Variants in ARHGAP44 observed in about 807,000 individuals in gnomAD.
ARHGAP44 encodes Rho GTPase activating protein 44.
In ARHGAP44, 43 loss-of-function variants were observed where a neutral mutation model predicts 106.8. That is an observed-to-expected ratio of 0.40 (90% CI 0.32 to 0.52). The LOEUF (loss-of-function observed/expected upper bound fraction) is 0.52, where lower values mean the gene tolerates loss of function less well. Among genes scored for constraint, ARHGAP44 ranks in the 20% least tolerant of loss-of-function variants. The pLI is 0.48. For synonymous variants in ARHGAP44, 439 were observed against 410.3 expected (o/e 1.07, Z -0.85); for missense variants, 866 against 1,050.5 (o/e 0.82, Z 2.43).
At chr17:12,890,434 A>C (rs1398785275) in intron 1 of ARHGAP44, among the ~76,000 whole-genome samples, 2 of 152,096 alleles carry the variant, frequency 1.3e-5, no homozygotes, top group Non-Finnish European at 2.9e-5. Flanking sequence ...CCCAGACTAC[A>C]CTTGGGGTTA....
intron 3 of ARHGAP44, among the ~76,000 whole-genome samples, chr17:12,900,932 TTTTTA>T (rs767698072): frequency 0.12 from 18,018 of 145,922 alleles, 1,386 homozygotes; most frequent in East Asian, 0.27. Flanking sequence ...TTTTTTTTTT[TTTTTA>T]ATTGAGATGG....
At chr17:12,956,767 G>A in intron 15 of ARHGAP44, 21 bp downstream of exon 15, 7 of 1,605,470 alleles carry the variant, frequency 4.4e-6, no homozygotes, top group South Asian at 2.2e-5. Flanking sequence ...GCACCTAGGT[G>A]TGGGGGCAAG....
chr17:12,968,839 A>G (rs2039457473), intron 16 of ARHGAP44, among the ~76,000 whole-genome samples: 1 of 147,218 alleles, frequency 6.8e-6, no homozygotes. Context: ...GCGCCATCTC[A>G]GCTCACTGCA....
intron 5 of ARHGAP44, among the ~76,000 whole-genome samples, chr17:12,917,726 T>G (rs1470911778): frequency 6.6e-6 from 1 of 152,218 alleles, no homozygotes; most frequent in African/African-American, 2.4e-5. Context: ...GATGGAAATA[T>G]TCTCAATCTG....
At chr17:12,964,330 C>T (rs2039338216) in intron 16 of ARHGAP44, among the ~76,000 whole-genome samples, 1 of 152,182 alleles carries the variant, frequency 6.6e-6, no homozygotes, top group South Asian at 2.1e-4. Flanking sequence ...AAAGTGTCTG[C>T]ACTCTTGCTG....
chr17:12,854,232 A>C (rs1238979051), intron 1 of ARHGAP44, among the ~76,000 whole-genome samples: 5 of 152,186 alleles, frequency 3.3e-5, no homozygotes, highest in African/African-American at 1.2e-4. Context: ...CACACCAAGC[A>C]GGGAGAATTA....
At chr17:12,943,198 C>T (rs568436530) in intron 8 of ARHGAP44, among the ~76,000 whole-genome samples, 10 of 152,352 alleles carry the variant, frequency 6.6e-5, no homozygotes, top group Non-Finnish European at 1.2e-4. Context: ...TGAGCCATCA[C>T]ACCTGACTCA....
At chr17:12,943,750 G>T in intron 9 of ARHGAP44, 81 bp downstream of exon 9, 1 of 1,421,400 alleles carries the variant, frequency 7.0e-7, no homozygotes, top group Non-Finnish European at 9.9e-7. Flanking sequence ...CTTGTATGTC[G>T]TTGGCCCTAA....
At chr17:12,837,810 G>A (rs1043842499) in intron 1 of ARHGAP44, among the ~76,000 whole-genome samples, 1 of 152,076 alleles carries the variant, frequency 6.6e-6, no homozygotes, top group Non-Finnish European at 1.5e-5. Context: ...TTCTGGGTAG[G>A]GGTGGGAAAT....
chr17:12,929,742 T>G (rs1315040861), intron 7 of ARHGAP44, among the ~76,000 whole-genome samples: 1 of 152,212 alleles, frequency 6.6e-6, no homozygotes, highest in Non-Finnish European at 1.5e-5. Flanking sequence ...CAGCTTGGGT[T>G]TCTAAGGAAA....
At chr17:12,894,272 G>A (rs566545329) in intron 1 of ARHGAP44, among the ~76,000 whole-genome samples, 8 of 149,968 alleles carry the variant, frequency 5.3e-5, no homozygotes, top group East Asian at 4.0e-4. Context: ...ACGTGCGTGC[G>A]TGTTGTCAGA....
chr17:12,877,474 G>A (rs898046216), intron 1 of ARHGAP44, among the ~76,000 whole-genome samples: 1 of 152,126 alleles, frequency 6.6e-6, no homozygotes, highest in Non-Finnish European at 1.5e-5. Context: ...GTTATTTAAA[G>A]AAAATTTAAT....
chr17:12,864,068 T>G (rs2036167321), intron 1 of ARHGAP44, among the ~76,000 whole-genome samples: 1 of 152,174 alleles, frequency 6.6e-6, no homozygotes, highest in South Asian at 2.1e-4. Flanking sequence ...TGGGATGTCA[T>G]TACTGTCACA....
intron 1 of ARHGAP44, among the ~76,000 whole-genome samples, chr17:12,884,286 A>AT (rs1175857139): frequency 4.6e-5 from 7 of 151,892 alleles, no homozygotes; most frequent in Non-Finnish European, 7.4e-5. Flanking sequence ...ACTTTGTGCT[A>AT]TTTTTTCTAT....
rs60392463 is a variant in ARHGAP44 at position 12,837,603 on chromosome 17, G to GT, written c.53+47725dup. On this transcript the variant is annotated intron_variant, in intron 1 of 20. Transcript: ENST00000379672. Reference sequence around the variant, plus strand: ...GTCATGGGGAGGGTAACTGCATGTTGTTTTTTTTTTTTTAAATCAGGCCAC... The same window carrying GT: ...GTCATGGGGAGGGTAACTGCATGTTGTTTTTTTTTTTTTTAAATCAGGCCAC... 7.6e-3 allele frequency among the ~76,000 whole-genome samples: 1,100 copies of GT among 143,802 alleles called. 35 individuals are homozygous for GT. The East Asian group carries it at 0.099, about 13-fold the overall frequency. 94.3% of individuals were successfully genotyped at this position (143,802 alleles called of 152,430 possible). A position where few individuals can be genotyped will look rare whatever the true frequency, so the allele number is the denominator to read the frequency against.
At chr17:12,902,359 C>G (rs1276751878) in intron 3 of ARHGAP44, among the ~76,000 whole-genome samples, 1 of 152,236 alleles carries the variant, frequency 6.6e-6, no homozygotes, top group Non-Finnish European at 1.5e-5. Context: ...GCTCAGATGT[C>G]ACCTTTTCAG....
At chr17:12,813,935 C>T (rs565369363) in intron 1 of ARHGAP44, among the ~76,000 whole-genome samples, 3 of 152,302 alleles carry the variant, frequency 2.0e-5, no homozygotes, top group East Asian at 1.9e-4. Flanking sequence ...TTGCCCCCTT[C>T]GACCTCACCT....
At chr17:12,838,694 G>A (rs549004475) in intron 1 of ARHGAP44, among the ~76,000 whole-genome samples, 2 of 152,170 alleles carry the variant, frequency 1.3e-5, no homozygotes, top group South Asian at 4.2e-4. Flanking sequence ...TTTTGAGAGG[G>A]AGTTTCACTC....
chr17:12,916,278 C>G (rs558999224), intron 5 of ARHGAP44, among the ~76,000 whole-genome samples: 51 of 152,292 alleles, frequency 3.3e-4, no homozygotes, highest in African/African-American at 1.1e-3. Context: ...CTTCCCCACC[C>G]ACAGCCTCGA....
Sources: gnomAD v4.1 joint callset for allele counts (sites outside exome capture counted in the v4.1 genomes callset) on GRCh38, gnomAD v4.1.1 for gene constraint, MANE v1.5 for transcripts, NCBI Gene and HGNC (gene_info 2026-07-23, HGNC 2026-07-21) for gene names.